Variants in MGAT5 observed in about 807,000 individuals in gnomAD.
MGAT5 encodes the protein alpha-1,6-mannosylglycoprotein 6-beta-N-acetylglucosaminyltransferase A.
Under a neutral mutation model 94.3 loss-of-function variants are expected in MGAT5, and 30 were observed. That is an observed-to-expected ratio of 0.32 (90% CI 0.24 to 0.43). The LOEUF (loss-of-function observed/expected upper bound fraction) is 0.43. MGAT5 is among the 20% of genes least tolerant of loss of function. MGAT5 has a pLI of 1.00. For synonymous variants in MGAT5, 310 were observed against 322.9 expected, an observed-to-expected ratio of 0.96 and a Z score of 0.43; for missense variants, 691 against 905.5, an observed-to-expected ratio of 0.76 and a Z score of 3.04.
At chr2:134,147,805 G>A (rs187073388) in intron 1 of MGAT5, among the ~76,000 whole-genome samples, 6 of 152,264 alleles carry the variant, frequency 3.9e-5, no homozygotes, top group East Asian at 3.9e-4. Context: ...CTGGCAGTCC[G>A]TAAGCTTGGA....
intron 8 of MGAT5, 87 bp from the exon 9 acceptor site, chr2:134,349,718 G>A: frequency 7.0e-7 from 1 of 1,425,060 alleles, no homozygotes. Context: ...CCTATTTTTA[G>A]TAGTCTTGAA....
chr2:134,143,922 G>A (rs1388077989), intron 1 of MGAT5, among the ~76,000 whole-genome samples: 2 of 152,150 alleles, frequency 1.3e-5, no homozygotes, highest in African/African-American at 4.8e-5. Context: ...GGGATGTGGG[G>A]GAGAAGAAGA....
chr2:134,417,767 A>G (rs1235531388), intron 12 of MGAT5, among the ~76,000 whole-genome samples: 1 of 151,982 alleles, frequency 6.6e-6, no homozygotes, highest in African/African-American at 2.4e-5. Flanking sequence ...TTATCCTCAA[A>G]TTTTTGTATC....
At chr2:134,188,153 T>C (rs1329618331) in intron 1 of MGAT5, among the ~76,000 whole-genome samples, 3 of 152,260 alleles carry the variant, frequency 2.0e-5, no homozygotes, top group African/African-American at 7.2e-5. Flanking sequence ...CAGTCAAAGC[T>C]GGATAATTTT....
rs750218677 is a variant in MGAT5, at chr2:134,341,652, C to T, written c.870C>T (p.Phe290=). 1.2e-6 allele frequency: 2 copies of T among 1,613,594 alleles called. No homozygotes were observed. The highest frequency in any genetic ancestry group is 2.2e-5 in the South Asian group (2 of 91,054). The change falls in exon 7 of 16, where the codon TTC becomes TTT. Residue 290 remains phenylalanine, a synonymous_variant. Coordinates refer to ENST00000281923, the MANE Select transcript of MGAT5 (RefSeq NM_002410.5). ...GATTTAAGATTGCAGAGACAGCTTT[C>T]AGTGGTGGCCCTCTTGGTGAATTAG... ...ESGFKIAETA[F]SGGPLGELVQ...
At chr2:134,419,601 A>G (rs1478783198) in intron 12 of MGAT5, among the ~76,000 whole-genome samples, 3 of 151,872 alleles carry the variant, frequency 2.0e-5, no homozygotes, top group African/African-American at 7.3e-5. Flanking sequence ...CAGTAAATTT[A>G]TTGATTGATA....
intron 1 of MGAT5, among the ~76,000 whole-genome samples, chr2:134,133,230 T>A (rs528309530): frequency 6.6e-6 from 1 of 152,248 alleles, no homozygotes; most frequent in East Asian, 1.9e-4. Flanking sequence ...TTAGAGACAT[T>A]AAATCATGGA....
At position 134,451,034 on chromosome 2, in the gene MGAT5, A is replaced by G. The variant is rs572643093; in HGVS notation, c.*2187A>G. The G allele has an allele frequency of 3.3e-5, 5 of 152,078 alleles. No homozygotes were observed. In the South Asian group the frequency reaches 1.0e-3, roughly 32 times the overall value. 9.4% of individuals were successfully genotyped at this position (152,078 alleles called of 1,614,324 possible). On this transcript the variant is annotated 3_prime_UTR_variant, in exon 16 of 16. Transcript: ENST00000281923. ...CTCCTGGGCTCTTCCAGGAGCATTG[A>G]ACACTGAGGATGTCAATGCAAGTAT...
intron 10 of MGAT5, among the ~76,000 whole-genome samples, chr2:134,394,669 G>A (rs1558854088): frequency 6.6e-6 from 1 of 152,082 alleles, no homozygotes; most frequent in Admixed American, 6.6e-5. Flanking sequence ...TGGCCTCTGT[G>A]GTTTGGTTCC....
At chr2:134,397,825 G>T (rs150683032) in intron 10 of MGAT5, among the ~76,000 whole-genome samples, 1 of 152,156 alleles carries the variant, frequency 6.6e-6, no homozygotes, top group Non-Finnish European at 1.5e-5. Flanking sequence ...AAATGGAGGC[G>T]ACCTGTAGTG....
intron 8 of MGAT5, among the ~76,000 whole-genome samples, chr2:134,346,517 T>C (rs1285068189): frequency 6.6e-6 from 1 of 152,170 alleles, no homozygotes; most frequent in Non-Finnish European, 1.5e-5. Context: ...TCAGATCCTC[T>C]TGGAAGTTTC....
At chr2:134,237,754 GT>G (rs201862394) in intron 1 of MGAT5, among the ~76,000 whole-genome samples, 1 of 29,936 alleles carries the variant, frequency 3.3e-5, no homozygotes, top group East Asian at 8.4e-4. Context: ...TTTTGTTTTT[GT>G]TTTTTTTTTT....
chr2:134,214,722 G>A (rs1374577924), intron 1 of MGAT5, among the ~76,000 whole-genome samples: 1 of 152,090 alleles, frequency 6.6e-6, no homozygotes, highest in African/African-American at 2.4e-5. Context: ...GGGTGGGGTG[G>A]GGAGGAACAA....
rs1297458026 is a variant in MGAT5 at position 134,349,805 on chromosome 2, G to T, written c.1113G>T (p.Gln371His). The T allele has an allele frequency of 6.2e-7, 1 of 1,612,654 alleles. No homozygotes were observed. Among genetic ancestry groups the T allele is most frequent in the Admixed American group, 1.7e-5 (1 of 59,814 alleles). ...KTLGPSWVHYQCMLRVLDSFG... is the reference protein window; with the variant it reads ...KTLGPSWVHYHCMLRVLDSFG... ...TCAACACATTGCTTTTTTCTTTCAG[G>T]TGCATGCTCCGAGTCCTTGATTCAT... is the stretch of plus-strand genomic sequence containing the variant. Residue 371 changes from glutamine (Q) to histidine (H), a missense_variant and splice_region_variant, in exon 9 of 16, where the codon CAG becomes CAT. Physicochemically the swap from Gln to His is conservative, Grantham distance 24 (BLOSUM62 0). Coordinates refer to ENST00000281923, the MANE Select transcript of MGAT5 (RefSeq NM_002410.5).
rs1558825054 is a variant in MGAT5 at position 134,362,340 on chromosome 2, C to T, written c.1312C>T (p.His438Tyr). Reference protein sequence around the residue: ...VEQHLNSSDIHHINEIKRQNQ... With the variant: ...VEQHLNSSDIYHINEIKRQNQ... The stretch of plus-strand genomic sequence containing the variant: ...GCAGCACCTGAACTCCAGTGATATC[C>T]ACCACATTAATGAAATCAAAAGGCA... Residue 438 changes from histidine (H) to tyrosine (Y), a missense_variant, in exon 10 of 16, where the codon CAC becomes TAC. By Grantham distance (83) the His-to-Tyr change is moderately conservative. This residue lies in a region of MGAT5 where 121 missense variants were observed against 206.1 expected (regional missense o/e 0.59). Coordinates refer to ENST00000281923, the MANE Select transcript of MGAT5 (RefSeq NM_002410.5). 6 of 1,614,072 alleles carry T rather than the reference C, an allele frequency of 3.7e-6. No individual in the cohort carries two copies. Among genetic ancestry groups the T allele is most frequent in the Non-Finnish European group, 5.1e-6 (6 of 1,179,956 alleles).
At chr2:134,214,273 C>G (rs73009306) in intron 1 of MGAT5, among the ~76,000 whole-genome samples, 1 of 151,542 alleles carries the variant, frequency 6.6e-6, no homozygotes, top group African/African-American at 2.4e-5. Context: ...GGGCTGGCTG[C>G]CTTTCTTTCC....
intron 2 of MGAT5, among the ~76,000 whole-genome samples, chr2:134,308,090 A>G (rs752309109): frequency 7.9e-5 from 12 of 152,184 alleles, no homozygotes; most frequent in Non-Finnish European, 1.2e-4. Flanking sequence ...GGATAATAGT[A>G]CTTATTATTG....
chr2:134,408,111 T>G (rs2106316107), intron 11 of MGAT5, among the ~76,000 whole-genome samples: 1 of 152,236 alleles, frequency 6.6e-6, no homozygotes, highest in South Asian at 2.1e-4. Flanking sequence ...GAGGCTCCAG[T>G]CGTAAATAAG....
chr2:134,218,030 G>A (rs1261264457), intron 1 of MGAT5, among the ~76,000 whole-genome samples: 3 of 152,228 alleles, frequency 2.0e-5, no homozygotes, highest in African/African-American at 7.2e-5. Context: ...GGCAGAAGGT[G>A]TCAGTGGAAA....
Sources: allele counts gnomAD v4.1 joint callset (sites outside exome capture counted in the v4.1 genomes callset), GRCh38; gene constraint gnomAD v4.1.1; regional missense constraint gnomAD v4.1.1; transcripts MANE v1.5; gene names NCBI Gene and HGNC (gene_info 2026-07-23, HGNC 2026-07-21).